The following ASXL2 variants were observed in gnomAD, a reference collection of about 807,000 sequenced individuals.
ASXL2 encodes ASXL transcriptional regulator 2.
Under a neutral mutation model 122.0 loss-of-function variants are expected in ASXL2, and 23 were observed. The ratio of observed to expected loss-of-function variants is 0.19; its 90% CI spans 0.14 to 0.27. ASXL2 has a LOEUF of 0.27. Among genes scored for constraint, ASXL2 ranks in the 10% least tolerant of loss-of-function variants. The probability of loss-of-function intolerance (pLI) is 1.00; values close to 1 mark genes in which losing one functional copy is unlikely to be tolerated. For missense variants in ASXL2, 1,518 were observed against 1,713.8 expected, an observed-to-expected ratio of 0.89 and a Z score of 2.02; for synonymous variants, 650 against 637.0, an observed-to-expected ratio of 1.02 and a Z score of -0.31.
chr2:25,811,047 TACAAAAATAC>T (rs2089161476), intron 3 of ASXL2, among the ~76,000 whole-genome samples: 2 of 93,048 alleles, frequency 2.1e-5, no homozygotes, highest in East Asian at 5.1e-4. Context: ...CTACAAAAAA[TACAAAAATAC>T]ACACACACAC....
intron 3 of ASXL2, among the ~76,000 whole-genome samples, chr2:25,811,055 TACACACACACACACAC>T (rs34006530): frequency 1.4e-4 from 16 of 116,436 alleles, no homozygotes; most frequent in East Asian, 9.5e-4. Context: ...AATACAAAAA[TACACACACACACACAC>T]ACACACACAC....
intron 3 of ASXL2, among the ~76,000 whole-genome samples, chr2:25,828,260 C>G (rs1442379977): frequency 6.6e-6 from 1 of 151,948 alleles, no homozygotes; most frequent in Non-Finnish European, 1.5e-5. Flanking sequence ...AATCCCAGCA[C>G]TTTGGGAGGC....
At chr2:25,833,540 C>CA (rs763763720) in intron 3 of ASXL2, among the ~76,000 whole-genome samples, 11 of 151,958 alleles carry the variant, frequency 7.2e-5, no homozygotes, top group African/African-American at 1.2e-4. Flanking sequence ...ATTAAAAATA[C>CA]AAAAAATTAG....
At chr2:25,839,883 G>GTTTTCTTTTTTTTTT (rs1294325302) in intron 2 of ASXL2, among the ~76,000 whole-genome samples, 2 of 146,082 alleles carry the variant, frequency 1.4e-5, no homozygotes, top group Non-Finnish European at 3.0e-5. Context: ...GCACTACCAT[G>GTTTTCTTTTTTTTTT]TTTTCTTTTT....
intron 5 of ASXL2, among the ~76,000 whole-genome samples, chr2:25,790,798 GTCTT>G (rs1267997255): frequency 2.5e-5 from 3 of 118,204 alleles, no homozygotes; most frequent in Non-Finnish European, 3.7e-5. Flanking sequence ...ACAGTTTTTT[GTCTT>G]TTTTTTTTTT....
intron 3 of ASXL2, among the ~76,000 whole-genome samples, chr2:25,820,359 T>C (rs1420733659): frequency 6.6e-6 from 1 of 152,190 alleles, no homozygotes; most frequent in Non-Finnish European, 1.5e-5. Flanking sequence ...CTTTGCAACT[T>C]TTCTAAGTCT....
intron 4 of ASXL2, among the ~76,000 whole-genome samples, chr2:25,801,834 G>A (rs1252752542): frequency 1.3e-5 from 2 of 151,982 alleles, no homozygotes; most frequent in Non-Finnish European, 2.9e-5. Flanking sequence ...AAATTTTCCT[G>A]CTTCACTCTT....
At chr2:25,810,056 A>C in intron 3 of ASXL2, 1 of 553,704 alleles carries the variant, frequency 1.8e-6, no homozygotes, top group South Asian at 1.4e-5. Flanking sequence ...TCTCTCAGCA[A>C]ACTCAGCACA....
At chr2:25,779,072 C>A (rs533930563) in intron 5 of ASXL2, among the ~76,000 whole-genome samples, 1 of 143,710 alleles carries the variant, frequency 7.0e-6, no homozygotes, top group East Asian at 2.0e-4. Flanking sequence ...ACAGAGCTGT[C>A]ACTTTTTTCT....
At chr2:25,780,824 A>G (rs890753124) in intron 5 of ASXL2, among the ~76,000 whole-genome samples, 15 of 152,186 alleles carry the variant, frequency 9.9e-5, no homozygotes, top group African/African-American at 3.6e-4. Context: ...GTGGTGGCTC[A>G]TGCCTGTAGT....
intron 2 of ASXL2, among the ~76,000 whole-genome samples, chr2:25,839,806 T>C (rs2089556136): frequency 6.6e-6 from 1 of 151,758 alleles, no homozygotes; most frequent in South Asian, 2.1e-4. Context: ...GTGATTATTA[T>C]TAATATACGA....
At chr2:25,866,038 A>C (rs2089900071) in intron 1 of ASXL2, among the ~76,000 whole-genome samples, 1 of 151,900 alleles carries the variant, frequency 6.6e-6, no homozygotes, top group Non-Finnish European at 1.5e-5. Flanking sequence ...TTGTCTGCCT[A>C]CTCCATTAAA....
chr2:25,859,809 A>C (rs995538384), intron 1 of ASXL2, among the ~76,000 whole-genome samples: 11 of 152,266 alleles, frequency 7.2e-5, no homozygotes, highest in Non-Finnish European at 4.4e-5. Flanking sequence ...TCATTAAGAT[A>C]GTTGGAAAAC....
chr2:25,821,666 G>A (rs181039586), intron 3 of ASXL2, among the ~76,000 whole-genome samples: 225 of 152,266 alleles, frequency 1.5e-3, no homozygotes, highest in Non-Finnish European at 2.8e-3. Flanking sequence ...CAGGGTCCCA[G>A]GGTCAAATAA....
chr2:25,786,737 G>A (rs1346626815), intron 5 of ASXL2, among the ~76,000 whole-genome samples: 1 of 151,734 alleles, frequency 6.6e-6, no homozygotes, highest in African/African-American at 2.4e-5. Context: ...ACCTGTAATC[G>A]CAGCTACTCA....
At chr2:25,841,353 T>C (rs931814265) in intron 2 of ASXL2, among the ~76,000 whole-genome samples, 1 of 152,184 alleles carries the variant, frequency 6.6e-6, no homozygotes, top group Non-Finnish European at 1.5e-5. Flanking sequence ...TATAATTATA[T>C]ATGAATATGA....
At position 25,736,886 on chromosome 2, in the gene ASXL2, A is replaced by G. The variant is rs1226121566; in HGVS notation, c.*5143T>C. 6.6e-6 allele frequency: 1 copy of G among 152,180 alleles called. No individual in the cohort carries two copies. Among genetic ancestry groups the G allele is most frequent in the East Asian group, 1.9e-4 (1 of 5,202 alleles). 9.4% of individuals were successfully genotyped at this position (152,180 alleles called of 1,614,324 possible). A position where few individuals can be genotyped will look rare whatever the true frequency, so the allele number is the denominator to read the frequency against. On this transcript the variant is annotated 3_prime_UTR_variant, in exon 13 of 13. Transcript: ENST00000435504. ...AATGGGCTATATACTTTTCTTTATAAAGACGATGTAGGCACCATTTTGCTC... is the reference window on the plus strand; with the variant it reads ...AATGGGCTATATACTTTTCTTTATAGAGACGATGTAGGCACCATTTTGCTC...
intron 3 of ASXL2, among the ~76,000 whole-genome samples, chr2:25,825,472 A>T (rs1269536967): frequency 2.6e-5 from 4 of 152,188 alleles, no homozygotes; most frequent in African/African-American, 9.7e-5. Context: ...GCTCCTGGCA[A>T]CCACCATTCT....
intron 5 of ASXL2, among the ~76,000 whole-genome samples, chr2:25,775,040 T>C (rs990036670): frequency 1.3e-5 from 2 of 152,214 alleles, no homozygotes; most frequent in East Asian, 3.8e-4. Context: ...TGTTGACTTG[T>C]GGTAGTTTTT....
Sources: allele counts gnomAD v4.1 joint callset (sites outside exome capture counted in the v4.1 genomes callset), GRCh38; gene constraint gnomAD v4.1.1; transcripts MANE v1.5; gene names NCBI Gene and HGNC (gene_info 2026-07-23, HGNC 2026-07-21).